The following TACR1 variants were observed in gnomAD, a reference collection of about 807,000 sequenced individuals.
TACR1 encodes substance-P receptor.
TACR1 carries 25 observed loss-of-function variants against 35.8 expected under a neutral mutation model. The observed-to-expected ratio is 0.70, with a 90% confidence interval of 0.51 to 0.98. The LOEUF is 0.98. Among genes scored for constraint, TACR1 ranks in the 50% least tolerant of loss-of-function variants. The pLI is 0.00. For synonymous variants in TACR1, 195 were observed against 206.7 expected (o/e 0.94, Z 0.48); for missense variants, 478 against 522.9 (o/e 0.91, Z 0.84).
intron 2 of TACR1, among the ~76,000 whole-genome samples, chr2:75,109,356 A>G (rs1365639069): frequency 6.6e-6 from 1 of 152,160 alleles, no homozygotes; most frequent in Non-Finnish European, 1.5e-5. Context: ...GCAGAACCAC[A>G]GCAAAGCCAC....
chr2:75,073,494 G>A (rs1318950006), intron 2 of TACR1, among the ~76,000 whole-genome samples: 1 of 152,222 alleles, frequency 6.6e-6, no homozygotes, highest in Non-Finnish European at 1.5e-5. Context: ...GTAAGGAAAG[G>A]CAGCAACTGG....
chr2:75,094,866 T>A (rs1156347230), intron 2 of TACR1, among the ~76,000 whole-genome samples: 4 of 146,058 alleles, frequency 2.7e-5, no homozygotes, highest in East Asian at 2.0e-4. Context: ...TATATTTTTT[T>A]TTTTTTTGCC....
rs200221211 is a variant in TACR1, at chr2:75,198,926, G to C, written c.9C>G (p.Asn3Lys). 1.9e-6 allele frequency: 3 copies of C among 1,613,038 alleles called. No homozygotes were observed. In the South Asian group the frequency reaches 3.3e-5, roughly 18 times the overall value. Residue 3 changes from asparagine (N) to lysine (K), a missense_variant, in exon 1 of 5, where the codon AAC (asparagine) becomes AAG (lysine). Transcript: ENST00000305249. The stretch of plus-strand genomic sequence containing the variant: ...AGAGGTCTGAGTCCACCGGGAGGAC[G>C]TTATCCATTTCGAAGCTAGGCGGTA... MDNVLPVDSDLSP... is the reference protein window; with the variant it reads MDKVLPVDSDLSP...
At chr2:75,125,796 A>C (rs550618100) in intron 1 of TACR1, among the ~76,000 whole-genome samples, 1 of 152,326 alleles carries the variant, frequency 6.6e-6, no homozygotes, top group East Asian at 1.9e-4. Context: ...ACCTCACTGG[A>C]ATTGGCTCTT....
At chr2:75,067,522 T>TG (rs1672787938) in intron 2 of TACR1, among the ~76,000 whole-genome samples, 1 of 152,092 alleles carries the variant, frequency 6.6e-6, no homozygotes, top group South Asian at 2.1e-4. Flanking sequence ...TGAAGTATAG[T>TG]GGGGAAGACA....
chr2:75,136,914 A>G (rs2103940028), intron 1 of TACR1, among the ~76,000 whole-genome samples: 1 of 152,332 alleles, frequency 6.6e-6, no homozygotes, highest in African/African-American at 2.4e-5. Context: ...AATGCCTGGT[A>G]GACTACCTAG....
intron 3 of TACR1, among the ~76,000 whole-genome samples, chr2:75,052,772 C>CGT (rs1022548785): frequency 3.2e-4 from 49 of 151,018 alleles, no homozygotes; most frequent in African/African-American, 1.2e-3. Context: ...TGTGTGTGTG[C>CGT]GTGTGTGTGT....
intron 1 of TACR1, among the ~76,000 whole-genome samples, chr2:75,137,278 T>C (rs1674311374): frequency 6.6e-6 from 1 of 152,224 alleles, no homozygotes; most frequent in African/African-American, 2.4e-5. Context: ...AAAGAACAGC[T>C]TATTTTATTT....
chr2:75,146,739 G>A (rs548728319), intron 1 of TACR1, among the ~76,000 whole-genome samples: 15 of 152,332 alleles, frequency 9.8e-5, no homozygotes, highest in African/African-American at 3.4e-4. Context: ...ATAAAATAGA[G>A]TTGCAGTTGC....
intron 1 of TACR1, among the ~76,000 whole-genome samples, chr2:75,121,649 A>G (rs1264678573): frequency 6.6e-6 from 1 of 151,782 alleles, no homozygotes; most frequent in Non-Finnish European, 1.5e-5. Context: ...TGATAAGCAC[A>G]TCAATTCTGC....
intron 1 of TACR1, among the ~76,000 whole-genome samples, chr2:75,125,175 T>C (rs1239278044): frequency 2.0e-5 from 3 of 152,140 alleles, no homozygotes; most frequent in African/African-American, 7.2e-5. Flanking sequence ...CTTTTCTTTT[T>C]TTTCTATTCT....
intron 2 of TACR1, among the ~76,000 whole-genome samples, chr2:75,055,249 T>C (rs974853344): frequency 6.6e-6 from 1 of 152,260 alleles, no homozygotes; most frequent in African/African-American, 2.4e-5. Flanking sequence ...TTTTGCTACT[T>C]ATTCAGTCCC....
At chr2:75,193,303 A>G (rs1245622234) in intron 1 of TACR1, among the ~76,000 whole-genome samples, 1 of 152,196 alleles carries the variant, frequency 6.6e-6, no homozygotes, top group African/African-American at 2.4e-5. Flanking sequence ...TAAGTGCTCA[A>G]TAGTGGTTTG....
chr2:75,161,359 A>G (rs1009856849), intron 1 of TACR1, among the ~76,000 whole-genome samples: 6 of 152,132 alleles, frequency 3.9e-5, no homozygotes, highest in Admixed American at 3.9e-4. Context: ...AAGAGAAAAT[A>G]TACAGCATAA....
intron 2 of TACR1, among the ~76,000 whole-genome samples, chr2:75,112,072 A>G (rs1360736940): frequency 6.6e-6 from 1 of 152,060 alleles, no homozygotes; most frequent in African/African-American, 2.4e-5. Context: ...GAATCCTACA[A>G]TTTTAGGTTA....
chr2:75,074,683 A>T lies in TACR1; in HGVS notation c.585-20928T>A, dbSNP rs370740299. 2.7e-5 allele frequency among the ~76,000 whole-genome samples: 4 copies of T among 150,514 alleles called. No individual in the cohort carries two copies. The East Asian group carries it at 5.8e-4, about 22-fold the overall frequency. ...TAAGGAATGGCCCCTGAAGGCAGGG[A>T]TTTTTTTTTTCTTCCAGGCAAGAAG... On this transcript the variant is annotated intron_variant, in intron 2 of 4. Transcript: ENST00000305249.
intron 2 of TACR1, among the ~76,000 whole-genome samples, chr2:75,083,420 G>T (rs1036819416): frequency 1.6e-4 from 24 of 152,226 alleles, no homozygotes; most frequent in African/African-American, 5.8e-4. Context: ...CTCTTTTTTG[G>T]TTCCATATGA....
At position 75,162,396 on chromosome 2, in the gene TACR1, T is replaced by C. The variant is rs147624789; in HGVS notation, c.389+36150A>G. 2.0e-5 allele frequency among the ~76,000 whole-genome samples: 3 copies of C among 152,374 alleles called. No homozygotes were observed. In the East Asian group the frequency reaches 5.8e-4, roughly 29 times the overall value. ...CAGTGTTTTGTTCCCTAACTAATTC[T>C]AGCCAATGGCCAATGGTTCTGGATC... On this transcript the variant is annotated intron_variant, in intron 1 of 4. Coordinates refer to ENST00000305249, the MANE Select transcript of TACR1 (RefSeq NM_001058.4).
At chr2:75,051,706 G>T (rs1164088012) in intron 3 of TACR1, among the ~76,000 whole-genome samples, 1 of 152,182 alleles carries the variant, frequency 6.6e-6, no homozygotes, top group African/African-American at 2.4e-5. Flanking sequence ...CAAATTCTTG[G>T]ACCCTATTTC....
Sources: allele counts gnomAD v4.1 joint callset (sites outside exome capture counted in the v4.1 genomes callset), GRCh38; gene constraint gnomAD v4.1.1; transcripts MANE v1.5; gene names NCBI Gene and HGNC (gene_info 2026-07-23, HGNC 2026-07-21).